The following RHOU variants were observed in gnomAD, a reference collection of about 807,000 sequenced individuals.
The protein encoded by RHOU is rho-related GTP-binding protein RhoU.
In RHOU, 8 loss-of-function variants were observed where a neutral mutation model predicts 12.6. That is an observed-to-expected ratio of 0.64 (90% CI 0.37 to 1.15). RHOU has a LOEUF of 1.15. Ranked by LOEUF, RHOU falls within the 50% of genes most tolerant of loss-of-function variation. RHOU has a pLI of 0.01. For missense variants in RHOU, 258 were observed against 347.0 expected (o/e 0.74, Z 2.04); for synonymous variants, 161 against 147.4 (o/e 1.09, Z -0.67).
chr1:228,696,709 G>C, the RHOU span, among the ~76,000 whole-genome samples: 4 of 151,950 alleles, frequency 2.6e-5, no homozygotes, highest in Admixed American at 1.3e-4. Flanking sequence ...CACCATGCCT[G>C]GCTAATTTTT....
At chr1:228,725,180 A>G in the RHOU span, among the ~76,000 whole-genome samples, 2 of 152,162 alleles carry the variant, frequency 1.3e-5, no homozygotes, top group Non-Finnish European at 2.9e-5. Context: ...TCTTCTTGGA[A>G]TATGTGCAGG....
At chr1:228,736,127 G>A in intron 1 of RHOU, 123 bp downstream of exon 1, 2 of 977,478 alleles carry the variant, frequency 2.0e-6, no homozygotes, top group Non-Finnish European at 2.9e-6. Flanking sequence ...GGCTCCAGCT[G>A]GGAAGCCGGA....
At chr1:228,650,092 C>CTCT in the RHOU span, 1 of 420,130 alleles carries the variant, frequency 2.4e-6, no homozygotes, top group Non-Finnish European at 4.6e-6. Flanking sequence ...ATAGAAAGAA[C>CTCT]TCTAACAGGT....
chr1:228,649,419 A>G, the RHOU span, among the ~76,000 whole-genome samples: 1 of 152,154 alleles, frequency 6.6e-6, no homozygotes, highest in East Asian at 1.9e-4. Context: ...AAGATTTTAC[A>G]TTTTATCAGG....
At chr1:228,728,769 C>G in the RHOU span, among the ~76,000 whole-genome samples, 5 of 152,268 alleles carry the variant, frequency 3.3e-5, no homozygotes, top group East Asian at 9.6e-4. Context: ...CCTATAAAAC[C>G]ACCACTCAGA....
At chr1:228,659,782 G>A in the RHOU span, among the ~76,000 whole-genome samples, 7 of 151,470 alleles carry the variant, frequency 4.6e-5, no homozygotes, top group Non-Finnish European at 8.8e-5. Context: ...TCAGGAGTTC[G>A]AGACTAGCCT....
In RHOU at chr1:228,737,807, TC is replaced by T. The variant is rs1309109941; in HGVS notation, c.321+77del. On this transcript the variant is annotated intron_variant, in intron 2 of 2. Transcript: ENST00000366691. This position sits in a 1 kb window ranked among gnomAD's most constrained non-coding sequence, Gnocchi z 4.1. Reference sequence around the variant, plus strand: ...GATTTCCAAATAACCTTTGATTCCCTCAGTCAGTAACTGGGTCATTCTAAAG... The same window carrying T: ...GATTTCCAAATAACCTTTGATTCCCTAGTCAGTAACTGGGTCATTCTAAAG... 42 of 1,477,344 alleles carry T rather than the reference TC, an allele frequency of 2.8e-5. No individual in the cohort carries two copies. The highest frequency in any genetic ancestry group is 4.0e-5 in the Non-Finnish European group (42 of 1,058,692). The allele number at this position is 1,477,344 out of a possible 1,614,324, so 91.5% of individuals were successfully genotyped here.
chr1:228,710,043 T>C, the RHOU span, among the ~76,000 whole-genome samples: 6 of 152,174 alleles, frequency 3.9e-5, no homozygotes, highest in Admixed American at 3.3e-4. Flanking sequence ...TCTATGCAAA[T>C]AAACTAGAAA....
At chr1:228,697,252 C>T in the RHOU span, among the ~76,000 whole-genome samples, 1 of 152,186 alleles carries the variant, frequency 6.6e-6, no homozygotes. Flanking sequence ...TTCAGAGCTC[C>T]CCCAGGAATG....
upstream of RHOU, among the ~76,000 whole-genome samples, chr1:228,732,825 GA>G (rs963687157): frequency 2.1e-4 from 31 of 150,196 alleles, no homozygotes; most frequent in African/African-American, 6.8e-4. Context: ...ACTTCATTAA[GA>G]AAAAAAAATA....
chr1:228,707,251 ATATAGTGTGTGTGTGTGTGT>A, the RHOU span, among the ~76,000 whole-genome samples: 144 of 96,600 alleles, frequency 1.5e-3, no homozygotes, highest in African/African-American at 4.2e-3. Flanking sequence ...ATATATATAT[ATATAGTGTGTGTGTGTGTGT>A]GTGTGTGTGT....
the RHOU span, among the ~76,000 whole-genome samples, chr1:228,727,203 T>C: frequency 6.6e-6 from 1 of 152,250 alleles, no homozygotes; most frequent in Non-Finnish European, 1.5e-5. Flanking sequence ...ATTCCTTTAA[T>C]GATCTCAATC....
At chr1:228,731,099 T>C (rs190669342), upstream of RHOU, among the ~76,000 whole-genome samples, 205 of 152,324 alleles carry the variant, frequency 1.3e-3, no homozygotes, top group Admixed American at 2.2e-3. Context: ...GAAAAAATCC[T>C]AGAAAATGTA....
At chr1:228,646,710 C>T in the RHOU span, among the ~76,000 whole-genome samples, 2 of 151,302 alleles carry the variant, frequency 1.3e-5, no homozygotes, top group Non-Finnish European at 2.9e-5. Context: ...ACACACCCCA[C>T]CGCCACCAGG....
chr1:228,722,628 C>CT, the RHOU span, among the ~76,000 whole-genome samples: 27,389 of 145,248 alleles, frequency 0.19, 3,453 homozygotes, highest in African/African-American at 0.36. Flanking sequence ...TCCTGACCTC[C>CT]TTTTTTTTTT....
chr1:228,680,128 GA>G, the RHOU span, among the ~76,000 whole-genome samples: 6 of 152,122 alleles, frequency 3.9e-5, no homozygotes, highest in Admixed American at 3.9e-4. Context: ...CCTCCGTATT[GA>G]TTAATAAGGG....
chr1:228,688,074 TTTTG>T, the RHOU span, among the ~76,000 whole-genome samples: 559 of 150,268 alleles, frequency 3.7e-3, 4 homozygotes, highest in African/African-American at 0.013. Flanking sequence ...AGAGCAAGGA[TTTTG>T]TTTGTTTGTT....
At chr1:228,678,408 G>T in the RHOU span, among the ~76,000 whole-genome samples, 1 of 152,152 alleles carries the variant, frequency 6.6e-6, no homozygotes, top group Admixed American at 6.5e-5. Context: ...AACTGGCCGT[G>T]AGGGACAGAA....
the RHOU span, chr1:228,647,808 C>G: frequency 6.6e-6 from 1 of 152,266 alleles, no homozygotes; most frequent in Non-Finnish European, 1.5e-5. Context: ...CGGTCCCGGG[C>G]TGTTGTGTGG....
Sources: gnomAD v4.1 joint callset for allele counts (sites outside exome capture counted in the v4.1 genomes callset) on GRCh38, gnomAD v4.1.1 for gene constraint, Gnocchi (gnomAD v3.1) non-coding constraint, MANE v1.5 for transcripts, NCBI Gene and HGNC (gene_info 2026-07-23, HGNC 2026-07-21) for gene names.